PRKN: variants seen among roughly 807,000 people sequenced by gnomAD.
The protein encoded by PRKN is E3 ubiquitin-protein ligase parkin.
In PRKN, 56 loss-of-function variants were observed where a neutral mutation model predicts 59.5. The ratio of observed to expected loss-of-function variants is 0.94; its 90% CI spans 0.76 to 1.18. PRKN has a LOEUF of 1.18. PRKN is among the 50% of genes most tolerant of loss of function. PRKN has a pLI of 0.00. For missense variants in PRKN, 657 were observed against 596.4 expected, an observed-to-expected ratio of 1.10 and a Z score of -1.06; for synonymous variants, 250 against 222.1, an observed-to-expected ratio of 1.13 and a Z score of -1.12.
At chr6:162,717,045 G>A (rs1187670036) in intron 1 of PRKN, among the ~76,000 whole-genome samples, 3 of 152,204 alleles carry the variant, frequency 2.0e-5, no homozygotes, top group Non-Finnish European at 4.4e-5. Flanking sequence ...ATCTGGAGAC[G>A]AAGAGGCTAT....
chr6:161,974,658 A>T (rs940644641), intron 5 of PRKN, among the ~76,000 whole-genome samples: 2 of 151,938 alleles, frequency 1.3e-5, no homozygotes, highest in Non-Finnish European at 2.9e-5. Flanking sequence ...GTGAAGCTAA[A>T]TTTTTTGCTA....
At position 161,479,874 on chromosome 6, in the gene PRKN, A is replaced by C. The variant is rs117653352; in HGVS notation, c.1083+68980T>G. 5.4e-3 allele frequency among the ~76,000 whole-genome samples: 819 copies of C among 152,292 alleles called. 9 individuals carry two copies. Among genetic ancestry groups the C allele is most frequent in the Middle Eastern group, 0.024 (7 of 294 alleles). On this transcript the variant is annotated intron_variant, in intron 9 of 11. Transcript: ENST00000366898. ...CTCTGCTTTCCAGGTGCAAGGTGGA[A>C]ATGCACTTCCCATCTCCTTTGAAGT...
rs145059265 is a variant in PRKN at position 162,048,702 on chromosome 6, A to G, written c.618+5389T>C. ...TGGGCCACACATATAATACACTAGC[A>G]CCAAAAATAGCTGATGAACTAAAAA... On this transcript the variant is annotated intron_variant, in intron 5 of 11. Coordinates refer to ENST00000366898, the MANE Select transcript of PRKN (RefSeq NM_004562.3). Among the ~76,000 whole-genome samples the G allele has an allele frequency of 6.2e-3, 898 of 143,780 alleles. 10 individuals are homozygous for G. Among genetic ancestry groups the G allele is most frequent in the African/African-American group, 0.022 (860 of 38,530 alleles). 94.3% of individuals were successfully genotyped at this position (143,780 alleles called of 152,430 possible). A position where few individuals can be genotyped will look rare whatever the true frequency, so the allele number is the denominator to read the frequency against.
chr6:162,375,739 T>C (rs952819851), intron 2 of PRKN, among the ~76,000 whole-genome samples: 1 of 103,942 alleles, frequency 9.6e-6, no homozygotes, highest in African/African-American at 4.2e-5. Flanking sequence ...AAATATGGCT[T>C]TGTACACACA....
At chr6:161,942,829 C>T (rs1464199657) in intron 6 of PRKN, among the ~76,000 whole-genome samples, 2 of 152,086 alleles carry the variant, frequency 1.3e-5, no homozygotes, top group Admixed American at 1.3e-4. Flanking sequence ...AAAAATACAG[C>T]ATATACCCCT....
chr6:162,583,077 G>T (rs762431910), intron 1 of PRKN, among the ~76,000 whole-genome samples: 1 of 152,064 alleles, frequency 6.6e-6, no homozygotes, highest in African/African-American at 2.4e-5. Context: ...TGGCCCCTTT[G>T]CCCCTGCCAT....
At chr6:161,650,383 A>G (rs2076701) in intron 7 of PRKN, among the ~76,000 whole-genome samples, 75,697 of 151,722 alleles carry the variant, frequency 0.5, 21,762 homozygotes, top group African/African-American at 0.81. Flanking sequence ...TTTAGTGCCT[A>G]AATGTCTTAG....
At position 162,063,320 on chromosome 6, in the gene PRKN, T is replaced by G. The variant is rs559454207; in HGVS notation, c.535-9146A>C. The stretch of plus-strand genomic sequence containing the variant: ...ATAAGCAAAAACCTTGAACAGGCTA[T>G]TCACAAAACAAGACGTATAAGTGGC... On this transcript the variant is annotated intron_variant, in intron 4 of 11. Transcript: ENST00000366898. Among the ~76,000 whole-genome samples, 14 of 152,322 alleles carry G rather than the reference T, an allele frequency of 9.2e-5. No homozygotes were observed. The South Asian group carries it at 2.7e-3, about 29-fold the overall frequency.
chr6:162,469,224 A>AT (rs1284318002), intron 1 of PRKN, among the ~76,000 whole-genome samples: 3 of 151,812 alleles, frequency 2.0e-5, no homozygotes, highest in Non-Finnish European at 4.4e-5. Flanking sequence ...GCACCACACT[A>AT]TAAGAAAAGT....
chr6:161,760,603 C>T (rs1362787395), intron 7 of PRKN, among the ~76,000 whole-genome samples: 1 of 151,888 alleles, frequency 6.6e-6, no homozygotes, highest in Non-Finnish European at 1.5e-5. Flanking sequence ...GTCCCTGTTT[C>T]CCCCTTTTCT....
intron 3 of PRKN, among the ~76,000 whole-genome samples, chr6:162,218,324 G>A (rs577040714): frequency 4.6e-5 from 7 of 152,260 alleles, no homozygotes; most frequent in African/African-American, 1.7e-4. Flanking sequence ...GAGGCCCCAA[G>A]CCCTGGAGTC....
At chr6:161,992,406 A>G (rs912263682) in intron 5 of PRKN, among the ~76,000 whole-genome samples, 3 of 152,192 alleles carry the variant, frequency 2.0e-5, no homozygotes, top group Non-Finnish European at 2.9e-5. Context: ...CAGCAAAAGG[A>G]TGTAACAATT....
At chr6:162,501,599 G>A (rs975065843) in intron 1 of PRKN, among the ~76,000 whole-genome samples, 2 of 149,830 alleles carry the variant, frequency 1.3e-5, no homozygotes, top group Non-Finnish European at 3.0e-5. Flanking sequence ...CAAGTGATCC[G>A]CCCTCCTTGG....
rs554238752 is a variant in PRKN, at chr6:161,428,377, G to A, written c.1084-41500C>T. 1.3e-5 allele frequency among the ~76,000 whole-genome samples: 2 copies of A among 152,280 alleles called. No homozygotes were observed. The highest frequency in any genetic ancestry group is 3.9e-4 in the East Asian group (2 of 5,176). On this transcript the variant is annotated intron_variant, in intron 9 of 11. Coordinates refer to ENST00000366898, the MANE Select transcript of PRKN (RefSeq NM_004562.3). This position sits in a 1 kb window ranked among gnomAD's most constrained non-coding sequence, Gnocchi z 4.0. Reference sequence around the variant, plus strand: ...GAGGGAGGCAGGACGGGCTGCTGGGGTGGAGAGTGCAGACAGAAGCCTGCC... The same window carrying A: ...GAGGGAGGCAGGACGGGCTGCTGGGATGGAGAGTGCAGACAGAAGCCTGCC...
intron 1 of PRKN, among the ~76,000 whole-genome samples, chr6:162,617,832 G>A (rs985993998): frequency 6.6e-6 from 1 of 152,020 alleles, no homozygotes; most frequent in African/African-American, 2.4e-5. Context: ...ACTACCAGGA[G>A]TACTAATACT....
At chr6:161,990,809 T>A (rs1486323453) in intron 5 of PRKN, among the ~76,000 whole-genome samples, 2 of 152,166 alleles carry the variant, frequency 1.3e-5, no homozygotes, top group Non-Finnish European at 2.9e-5. Context: ...GGTGAAGTGA[T>A]GATCAAAGAC....
chr6:162,504,788 C>T (rs929102962), intron 1 of PRKN, among the ~76,000 whole-genome samples: 3 of 151,954 alleles, frequency 2.0e-5, no homozygotes, highest in African/African-American at 7.3e-5. Flanking sequence ...AAGAAGACAC[C>T]ACTGATAAAA....
intron 2 of PRKN, among the ~76,000 whole-genome samples, chr6:162,424,462 G>A (rs1007262046): frequency 1.3e-5 from 2 of 152,132 alleles, no homozygotes; most frequent in Admixed American, 6.6e-5. Flanking sequence ...TGTGCCGGGC[G>A]TGGTGGCTCA....
intron 6 of PRKN, among the ~76,000 whole-genome samples, chr6:161,786,679 A>G (rs1457082550): frequency 6.6e-6 from 1 of 152,162 alleles, no homozygotes; most frequent in Admixed American, 6.5e-5. Flanking sequence ...AAAAATTACT[A>G]TTGCATCAAA....
Sources: allele counts gnomAD v4.1 joint callset (sites outside exome capture counted in the v4.1 genomes callset), GRCh38; gene constraint gnomAD v4.1.1; non-coding constraint Gnocchi (gnomAD v3.1); transcripts MANE v1.5; gene names NCBI Gene and HGNC (gene_info 2026-07-23, HGNC 2026-07-21).